Variants in TFEC observed in about 807,000 individuals in gnomAD.
TFEC encodes transcription factor EC.
A neutral mutation model predicts 41.6 loss-of-function variants in TFEC; 31 were observed. The ratio of observed to expected loss-of-function variants is 0.74; its 90% confidence interval spans 0.56 to 1.01. The LOEUF is 1.01. Among genes scored for constraint, TFEC ranks in the 50% least tolerant of loss-of-function variants. The pLI, the probability that TFEC is intolerant of heterozygous loss-of-function variation, is 0.00. For missense variants in TFEC, 402 were observed against 404.1 expected, an observed-to-expected ratio of 0.99 and a Z score of 0.04; for synonymous variants, 143 against 140.6, an observed-to-expected ratio of 1.02 and a Z score of -0.12.
intron 1 of TFEC, among the ~76,000 whole-genome samples, chr7:115,995,601 C>T (rs1794332107): frequency 6.6e-6 from 1 of 152,148 alleles, no homozygotes; most frequent in Non-Finnish European, 1.5e-5. Context: ...ACTAGCCACA[C>T]ATAAAAACAC....
At chr7:116,013,306 A>G (rs1795070815) in intron 1 of TFEC, among the ~76,000 whole-genome samples, 1 of 152,128 alleles carries the variant, frequency 6.6e-6, no homozygotes, top group African/African-American at 2.4e-5. Flanking sequence ...TGTGTAGGAA[A>G]GGTGTTCAGT....
At chr7:116,018,734 T>C (rs970992047) in intron 1 of TFEC, among the ~76,000 whole-genome samples, 2 of 151,972 alleles carry the variant, frequency 1.3e-5, no homozygotes, top group African/African-American at 4.8e-5. Flanking sequence ...AAGTATGAGG[T>C]TGAATGAGAG....
chr7:115,950,211 C>T (rs1270245140), intron 6 of TFEC, among the ~76,000 whole-genome samples: 1 of 151,998 alleles, frequency 6.6e-6, no homozygotes, highest in African/African-American at 2.4e-5. Flanking sequence ...AGAGTTTCAC[C>T]ATGTTGGCCA....
At position 116,048,928 on chromosome 7, in the gene TFEC, T is replaced by C. The variant is rs1451981770; in HGVS notation, c.198+61780A>G. On this transcript the variant is annotated intron_variant, in intron 3 of 8. Coordinates refer to the TFEC transcript ENST00000484212. ...ATAAAATCCTTTACAGACAAACAAA[T>C]GCTGAGAGATTTTGTCACCACCAAG... Among the ~76,000 whole-genome samples the C allele has an allele frequency of 4.6e-5, 7 of 152,176 alleles. No homozygotes were observed. The East Asian group carries it at 1.4e-3, about 29-fold the overall frequency.
At position 115,997,757 on chromosome 7, in the gene TFEC, T is replaced by C. The variant is rs142336395; in HGVS notation, c.-72-13244A>G. ...TTATCATGTAAATTTAACAAAGAGA[T>C]TGAAATAATTTTAAGCAAAAATTCT... On this transcript the variant is annotated intron_variant, in intron 1 of 7. Coordinates refer to ENST00000265440, the MANE Select transcript of TFEC (RefSeq NM_012252.4). Among the ~76,000 whole-genome samples the C allele has an allele frequency of 2.1e-3, 321 of 152,126 alleles. 1 individual carries two copies. Among genetic ancestry groups the C allele is most frequent in the Middle Eastern group, 0.02 (6 of 294 alleles).
At chr7:116,020,160 C>T (rs1029290862) in intron 1 of TFEC, among the ~76,000 whole-genome samples, 17 of 152,128 alleles carry the variant, frequency 1.1e-4, no homozygotes, top group African/African-American at 4.1e-4. Context: ...TGAAGCAAAA[C>T]GATAATTCAA....
intron 1 of TFEC, among the ~76,000 whole-genome samples, chr7:116,127,434 G>T (rs1467725888): frequency 2.6e-5 from 4 of 151,758 alleles, no homozygotes; most frequent in South Asian, 2.1e-4. Context: ...TAGTTGATGA[G>T]AATAATTTGT....
rs530749688 is a variant in TFEC at position 116,013,672 on chromosome 7, G to C, written c.-73+16961C>G. 6.6e-4 allele frequency among the ~76,000 whole-genome samples: 100 copies of C among 152,182 alleles called. 1 individual carries two copies. Among genetic ancestry groups the C allele is most frequent in the Middle Eastern group, 3.4e-3 (1 of 294 alleles). ...ATTGTAATAGGGTATTCTTTCAACTGTAAGTTACTTATTATCAGTTAATAA... is the reference window on the plus strand; with the variant it reads ...ATTGTAATAGGGTATTCTTTCAACTCTAAGTTACTTATTATCAGTTAATAA... On this transcript the variant is annotated intron_variant, in intron 1 of 7. Coordinates refer to ENST00000265440, the MANE Select transcript of TFEC (RefSeq NM_012252.4).
At chr7:116,088,675 T>C (rs1463655912) in intron 3 of TFEC, among the ~76,000 whole-genome samples, 1 of 152,150 alleles carries the variant, frequency 6.6e-6, no homozygotes, top group African/African-American at 2.4e-5. Context: ...CTACCCATTT[T>C]TGTACTTATG....
At chr7:116,149,859 C>T (rs902483433) in intron 1 of TFEC, among the ~76,000 whole-genome samples, 2 of 152,056 alleles carry the variant, frequency 1.3e-5, no homozygotes, top group Admixed American at 6.6e-5. Flanking sequence ...TAAAGAACTC[C>T]GAGACATTAA....
intron 2 of TFEC, among the ~76,000 whole-genome samples, chr7:115,981,653 C>T (rs1164916171): frequency 2.6e-5 from 4 of 152,072 alleles, no homozygotes; most frequent in Admixed American, 2.0e-4. Flanking sequence ...TGTGAGAATG[C>T]CATGAAAAGT....
chr7:116,159,066 A>G (rs1798924620), intron 1 of TFEC, among the ~76,000 whole-genome samples: 1 of 151,846 alleles, frequency 6.6e-6, no homozygotes, highest in South Asian at 2.1e-4. Flanking sequence ...CACAGTTTTT[A>G]TATGTAACTT....
Position 116,110,836 on chromosome 7 carries a change from G to A in TFEC, c.70C>T (p.Gln24Ter). ...TGGGCACTGATTTCCTGGCTGATTT[G>A]AAGTCTTCTCTCCTTTTCTCCTAAT... Residue 24 changes from glutamine (Q) to a stop codon, truncating the protein, a stop_gained, in exon 3 of 9, where the codon CAA (glutamine) becomes TAA (stop). Transcript: ENST00000484212. LOFTEE classifies it high-confidence loss of function. The A allele has an allele frequency of 1.3e-6, 2 of 1,547,742 alleles. No individual in the cohort carries two copies. Among genetic ancestry groups the A allele is most frequent in the Non-Finnish European group, 1.7e-6 (2 of 1,145,592 alleles).
At chr7:115,988,851 A>T (rs1208541155) in intron 1 of TFEC, among the ~76,000 whole-genome samples, 1 of 152,132 alleles carries the variant, frequency 6.6e-6, no homozygotes, top group East Asian at 1.9e-4. Context: ...CTCTGGAAAA[A>T]AAATCTAGAA....
At chr7:115,974,451 A>ATATATATATACATATAT (rs869072558) in intron 2 of TFEC, among the ~76,000 whole-genome samples, 195 bp from the exon 3 acceptor site, 1 of 26,392 alleles carries the variant, frequency 3.8e-5, no homozygotes, top group Non-Finnish European at 7.0e-5. Flanking sequence ...TATATATATA[A>ATATATATATACATATAT]AAACACAGAT....
rs200048115 is a variant in TFEC, at chr7:115,961,553, G to A, written c.268-4760C>T. 1.6e-4 allele frequency among the ~76,000 whole-genome samples: 24 copies of A among 151,128 alleles called. No individual in the cohort carries two copies. The East Asian group carries it at 4.5e-3, about 28-fold the overall frequency. On this transcript the variant is annotated intron_variant, in intron 3 of 7. Coordinates refer to ENST00000265440, the MANE Select transcript of TFEC (RefSeq NM_012252.4). ...GAAACTAGAATAGATAATATAATAA[G>A]GCCGTAAATCAGTGAAGAACAAAAC... is the stretch of plus-strand genomic sequence containing the variant.
chr7:116,068,026 A>C (rs1388001564), intron 3 of TFEC, among the ~76,000 whole-genome samples: 1 of 151,920 alleles, frequency 6.6e-6, no homozygotes, highest in Non-Finnish European at 1.5e-5. Context: ...TTTGAAAAAA[A>C]ATAAGTCCAT....
In TFEC at chr7:115,956,775, C is replaced by T; in HGVS notation, c.286G>A (p.Asp96Asn). ...ATTCCTTGTTCACCGCTATACACAT[C>T]CAAAATACTTCCAGATAACTTGAGA... ...MQRTLSGSILDVYSGEQGISP... is the reference protein window; with the variant it reads ...MQRTLSGSILNVYSGEQGISP... Residue 96 changes from aspartate to asparagine, a missense_variant, in exon 4 of 8, where the codon GAT (aspartate) becomes AAT (asparagine). By Grantham distance (23) the Asp-to-Asn change is conservative. Coordinates refer to ENST00000265440, the MANE Select transcript of TFEC (RefSeq NM_012252.4). The T allele has an allele frequency of 1.3e-6, 2 of 1,577,056 alleles. No individual in the cohort carries two copies. The highest frequency in any genetic ancestry group is 1.4e-5 in the African/African-American group (1 of 73,624).
At chr7:116,030,310 C>A (rs530143669) in intron 1 of TFEC, among the ~76,000 whole-genome samples, 1 of 152,102 alleles carries the variant, frequency 6.6e-6, no homozygotes, top group East Asian at 1.9e-4. Flanking sequence ...TAAGAGGCAA[C>A]AAAATGTTAA....
Sources: gnomAD v4.1 joint callset for allele counts (sites outside exome capture counted in the v4.1 genomes callset) on GRCh38, gnomAD v4.1.1 for gene constraint, MANE v1.5 for transcripts, NCBI Gene and HGNC (gene_info 2026-07-23, HGNC 2026-07-21) for gene names.